GRK2: variants seen among roughly 807,000 people sequenced by gnomAD.
GRK2 encodes the protein adrenergic beta receptor kinase 1.
In GRK2, 23 loss-of-function variants were observed where a neutral mutation model predicts 97.8. That is an observed-to-expected ratio of 0.24 (90% CI 0.17 to 0.33). The LOEUF is 0.33. Ranked by LOEUF, GRK2 falls within the 10% of genes least tolerant of loss-of-function variation. GRK2 has a pLI of 1.00. For synonymous variants in GRK2, 425 were observed against 381.7 expected, an observed-to-expected ratio of 1.11 and a Z score of -1.32; for missense variants, 633 against 956.9, an observed-to-expected ratio of 0.66 and a Z score of 4.47.
Position 67,269,948 on chromosome 11 carries a change from T to C in GRK2, c.113+3136T>C, listed in dbSNP as rs1354178053. On this transcript the variant is annotated intron_variant, in intron 1 of 20. Transcript: ENST00000308595. This position sits in a 1 kb window ranked among gnomAD's most constrained non-coding sequence, Gnocchi z 4.1. ...CTATAGAATCCAAGGAAACAGTCCC[T>C]TTCCCCGACCTTCTTGTAGAAGGAG... is the stretch of plus-strand genomic sequence containing the variant. Among the ~76,000 whole-genome samples, 1 of 152,202 alleles carries C rather than the reference T, an allele frequency of 6.6e-6. No individual in the cohort carries two copies. Among genetic ancestry groups the C allele is most frequent in the Non-Finnish European group, 1.5e-5 (1 of 68,016 alleles).
chr11:67,280,653 G>T, intron 6 of GRK2, 79 bp from the exon 7 acceptor site: 1 of 1,526,306 alleles, frequency 6.6e-7, no homozygotes, highest in Non-Finnish European at 9.1e-7. Flanking sequence ...AGGGAGTGGC[G>T]GCTGGGTGGG....
At chr11:67,278,093 A>G (rs1860072699) in intron 2 of GRK2, among the ~76,000 whole-genome samples, 1 of 152,208 alleles carries the variant, frequency 6.6e-6, no homozygotes, top group African/African-American at 2.4e-5. Context: ...TGGTGTCCTC[A>G]TCTGGGAGAT....
At position 67,282,102 on chromosome 11, in the gene GRK2, C is replaced by T; in HGVS notation, c.957+150C>T. ...TCCGCCCCTGCCCTTCCCACCGAGC[C>T]ACTCTCTGGGTCCAGGTTGTAGCTG... is the stretch of plus-strand genomic sequence containing the variant. On this transcript the variant is annotated intron_variant, in intron 11 of 20. Transcript: ENST00000308595. This position sits in a 1 kb window ranked among gnomAD's most constrained non-coding sequence, Gnocchi z 6.9. 2.4e-6 allele frequency: 3 copies of T among 1,275,522 alleles called. No individual in the cohort carries two copies. Among genetic ancestry groups the T allele is most frequent in the Non-Finnish European group, 3.3e-6 (3 of 909,248 alleles). The allele number at this position is 1,275,522 out of a possible 1,614,324, so 79.0% of individuals were successfully genotyped here. A position where few individuals can be genotyped will look rare whatever the true frequency, so the allele number is the denominator to read the frequency against.
At chr11:67,284,750 C>A in intron 18 of GRK2, 97 bp from the exon 19 acceptor site, 1 of 1,460,194 alleles carries the variant, frequency 6.8e-7, no homozygotes, top group Non-Finnish European at 9.2e-7. Flanking sequence ...GATTGTGCCA[C>A]AGCCCTCCAG....
intron 1 of GRK2, among the ~76,000 whole-genome samples, chr11:67,275,651 A>G (rs1380984563): frequency 6.6e-6 from 1 of 152,084 alleles, no homozygotes; most frequent in Non-Finnish European, 1.5e-5. Context: ...CCGCCTCACC[A>G]TGGCCTTTGT....
Position 67,279,674 on chromosome 11 carries a change from A to AAGC in GRK2, c.418_420dup (p.Gln140dup), listed in dbSNP as rs1860108339. ...GCATGTCCAAGGCCACCTGGGGAAG[A>AAGC]AGCAGGTGCCTCCGGATCTCTTCCA... On this transcript the variant is annotated inframe_insertion, in exon 5 of 21. Transcript: ENST00000308595. The AAGC allele has an allele frequency of 5.6e-6, 9 of 1,613,608 alleles. No homozygotes were observed. The East Asian group carries it at 2.0e-4, about 36-fold the overall frequency.
chr11:67,284,712 C>T, intron 18 of GRK2, 135 bp from the exon 19 acceptor site: 1 of 1,206,470 alleles, frequency 8.3e-7, no homozygotes, highest in Non-Finnish European at 1.1e-6. Flanking sequence ...TCGTTTGAAC[C>T]TGGGAGGTGG....
chr11:67,286,479 G>A lies in GRK2; in HGVS notation c.*1029G>A, dbSNP rs148698726. 3.3e-4 allele frequency: 234 copies of A among 700,532 alleles called. No homozygotes were observed. The highest frequency in any genetic ancestry group is 2.3e-3 in the African/African-American group (129 of 57,310). The allele number at this position is 700,532 out of a possible 1,614,324, so 43.4% of individuals were successfully genotyped here. On this transcript the variant is annotated 3_prime_UTR_variant, in exon 21 of 21. Coordinates refer to ENST00000308595, the MANE Select transcript of GRK2 (RefSeq NM_001619.5). ...CTCCCGTCTACTCATTCCCCGGGGCGTTTCTTTGCCGATTTTTGAATGTGA... is the reference window on the plus strand; with the variant it reads ...CTCCCGTCTACTCATTCCCCGGGGCATTTCTTTGCCGATTTTTGAATGTGA...
In GRK2 at chr11:67,266,625, G is replaced by C. The variant is rs866124863; in HGVS notation, c.-75G>C. The C allele has an allele frequency of 3.5e-5, 22 of 626,466 alleles. No individual in the cohort carries two copies. Among genetic ancestry groups the C allele is most frequent in the Middle Eastern group, 7.8e-4 (1 of 1,282 alleles). The allele number at this position is 626,466 out of a possible 1,614,324, so 38.8% of individuals were successfully genotyped here. Reference sequence around the variant, plus strand: ...CCGAGGCCGAGCGAGCCGCGGCCGGGCCGGGCCGAGCGCCGAGCGAGCAGG... The same window carrying C: ...CCGAGGCCGAGCGAGCCGCGGCCGGCCCGGGCCGAGCGCCGAGCGAGCAGG... On this transcript the variant is annotated 5_prime_UTR_variant, in exon 1 of 21. Transcript: ENST00000308595.
chr11:67,270,688 G>T (rs1454495201), intron 1 of GRK2, among the ~76,000 whole-genome samples: 1 of 152,204 alleles, frequency 6.6e-6, no homozygotes, highest in Non-Finnish European at 1.5e-5. Context: ...CTTTCCTGCA[G>T]TCACTCCCTC....
In GRK2 at chr11:67,282,888, C is replaced by T; in HGVS notation, c.1227+70C>T. 2 of 1,501,972 alleles carry T rather than the reference C, an allele frequency of 1.3e-6. No homozygotes were observed. The highest frequency in any genetic ancestry group is 1.8e-6 in the Non-Finnish European group (2 of 1,105,228). The allele number at this position is 1,501,972 out of a possible 1,614,324, so 93.0% of individuals were successfully genotyped here. On this transcript the variant is annotated intron_variant, in intron 14 of 20. Transcript: ENST00000308595. This position sits in a 1 kb window ranked among gnomAD's most constrained non-coding sequence, Gnocchi z 6.9. ...CTCCTGTGGGTGCCAGGCCATGACTCTTGCTTCCCACCAGCCAGCAGAGAT... is the reference window on the plus strand; with the variant it reads ...CTCCTGTGGGTGCCAGGCCATGACTTTTGCTTCCCACCAGCCAGCAGAGAT...
intron 3 of GRK2, 70 bp downstream of exon 3, chr11:67,279,343 C>G (rs1297990273): frequency 1.2e-6 from 2 of 1,608,076 alleles, no homozygotes; most frequent in African/African-American, 2.7e-5. Context: ...CTTTGTGGAA[C>G]CCACAAGCTG....
Position 67,284,332 on chromosome 11 carries a change from C to T in GRK2, c.1613C>T (p.Ala538Val), listed in dbSNP as rs771904461. The part of the protein sequence containing the change: ...TINAETDRLE[A>V]RKKAKNKQLG... ...AACGCTGAGACAGACCGGCTGGAGG[C>T]TCGCAAGAAAGCCAAGAACAAGCAG... The change falls in exon 18 of 21, where the codon GCT becomes GTT. Residue 538 changes from alanine to valine, a missense_variant. Physicochemically the swap from Ala to Val is moderately conservative, Grantham distance 64 (BLOSUM62 0). Around this residue, in one of 4 missense-constraint regions of GRK2, gnomAD observed 180 missense variants for 311.3 expected, o/e 0.58. Coordinates refer to ENST00000308595, the MANE Select transcript of GRK2 (RefSeq NM_001619.5). 6.2e-7 allele frequency: 1 copy of T among 1,613,092 alleles called. No individual in the cohort carries two copies. The highest frequency in any genetic ancestry group is 1.1e-5 in the South Asian group (1 of 91,092).
chr11:67,275,506 C>G (rs977204553), intron 1 of GRK2, among the ~76,000 whole-genome samples: 3 of 142,264 alleles, frequency 2.1e-5, no homozygotes, highest in Non-Finnish European at 3.1e-5. Context: ...CCAAGTGTTG[C>G]CTCTGCCTGG....
rs762463791 is a variant in GRK2 at position 67,285,444 on chromosome 11, C to T, written c.2064C>T (p.Gly688=). 9.1e-6 allele frequency: 14 copies of T among 1,546,616 alleles called. No individual in the cohort carries two copies. In the Admixed American group the frequency reaches 2.7e-4, roughly 30 times the overall value. Residue 688 remains glycine, a synonymous_variant, in exon 21 of 21, where the codon GGC becomes GGT. Coordinates refer to ENST00000308595, the MANE Select transcript of GRK2 (RefSeq NM_001619.5). ...VPLVQRGSAN[G]L ...TGGTCCAGCGCGGCAGTGCCAACGG[C>T]CTCTGACCCGCCCACCCGCCTTTTA...
At chr11:67,279,585 G>A (rs1860106501) in intron 4 of GRK2, 41 bp from the exon 5 acceptor site, 4 of 1,612,690 alleles carry the variant, frequency 2.5e-6, no homozygotes, top group South Asian at 1.1e-5. Flanking sequence ...GGGGAAGAGA[G>A]GACCCTGCTG....
In GRK2 at chr11:67,281,051, C is replaced by T. The variant is rs1021358854; in HGVS notation, c.556-42C>T. ...CAGGTGCCTCTGCCCCAGGGCTGGG[C>T]AGAGGCAGCCTGTGGTGACCGCAGC... On this transcript the variant is annotated intron_variant, in intron 7 of 20. Coordinates refer to ENST00000308595, the MANE Select transcript of GRK2 (RefSeq NM_001619.5). This position sits in a 1 kb window ranked among gnomAD's most constrained non-coding sequence, Gnocchi z 5.7. 6.4e-7 allele frequency: 1 copy of T among 1,560,116 alleles called. No homozygotes were observed. The highest frequency in any genetic ancestry group is 8.8e-7 in the Non-Finnish European group (1 of 1,141,906).
In GRK2 at chr11:67,281,761, G is replaced by T. The variant is rs746366121; in HGVS notation, c.826+33G>T. ...CTGGCCGGGCCCTAGGGTGGGCCGG[G>T]CCCAGGCACGGGAGGCTGGGGCAAG... On this transcript the variant is annotated intron_variant, in intron 10 of 20. Coordinates refer to ENST00000308595, the MANE Select transcript of GRK2 (RefSeq NM_001619.5). The surrounding 1 kb of genome is among the most constrained non-coding windows in gnomAD (Gnocchi z 5.7). 5.6e-6 allele frequency: 9 copies of T among 1,613,526 alleles called. No individual in the cohort carries two copies. Among genetic ancestry groups the T allele is most frequent in the Non-Finnish European group, 7.6e-6 (9 of 1,179,996 alleles).
rs1340032417 is a variant in GRK2, at chr11:67,282,878, G to A, written c.1227+60G>A. On this transcript the variant is annotated intron_variant, in intron 14 of 20. Transcript: ENST00000308595. The surrounding 1 kb of genome is among the most constrained non-coding windows in gnomAD (Gnocchi z 6.9). ...CTGGGGGGAGCTCCTGTGGGTGCCAGGCCATGACTCTTGCTTCCCACCAGC... is the reference window on the plus strand; with the variant it reads ...CTGGGGGGAGCTCCTGTGGGTGCCAAGCCATGACTCTTGCTTCCCACCAGC... 5.9e-6 allele frequency: 9 copies of A among 1,535,036 alleles called. No individual in the cohort carries two copies. In the Admixed American group the frequency reaches 1.1e-4, roughly 19 times the overall value.
Sources: gnomAD v4.1 joint callset for allele counts (sites outside exome capture counted in the v4.1 genomes callset) on GRCh38, gnomAD v4.1.1 for gene constraint, gnomAD v4.1.1 regional missense constraint, Gnocchi (gnomAD v3.1) non-coding constraint, MANE v1.5 for transcripts, NCBI Gene and HGNC (gene_info 2026-07-23, HGNC 2026-07-21) for gene names.